Variants in RB1 observed in about 807,000 individuals in gnomAD.
The protein encoded by RB1 is RB transcriptional corepressor 1, also known as retinoblastoma-associated protein.
In RB1, 18 loss-of-function variants were observed where a neutral mutation model predicts 135.4. The observed-to-expected ratio is 0.13, with a 90% CI of 0.09 to 0.20. The LOEUF (loss-of-function observed/expected upper bound fraction) is 0.20, where lower values mean the gene tolerates loss of function less well. Among genes scored for constraint, RB1 ranks in the 10% least tolerant of loss-of-function variants. The pLI is 1.00. For synonymous variants in RB1, 365 were observed against 373.2 expected (o/e 0.98, Z 0.25); for missense variants, 868 against 1,110.0 (o/e 0.78, Z 3.10).
chr13:48,376,587 C>A (rs1249835903), intron 12 of RB1, among the ~76,000 whole-genome samples: 2 of 151,798 alleles, frequency 1.3e-5, no homozygotes, highest in African/African-American at 4.8e-5. Flanking sequence ...CAACATACAT[C>A]CCAATATAAC....
chr13:48,465,206 C>G lies in RB1; in HGVS notation c.2327C>G (p.Pro776Arg), dbSNP rs912203557. The change falls in exon 23 of 27, where the codon CCC (proline) becomes CGC (arginine). Residue 776 changes from proline (P) to arginine (R), a missense_variant and splice_region_variant. Around this residue, in one of 3 missense-constraint regions of RB1, gnomAD observed 196 missense variants for 239.8 expected, o/e 0.82. Transcript: ENST00000267163. The stretch of plus-strand genomic sequence containing the variant: ...TCTACTTTTTTGTTTTTGCTCTAGC[C>G]CCCTACCTTGTCACCAATACCTCAC... Reference protein sequence around the residue: ...TNILQYASTRPPTLSPIPHIP... With the variant: ...TNILQYASTRRPTLSPIPHIP... 11 of 1,613,688 alleles carry G rather than the reference C, an allele frequency of 6.8e-6. No homozygotes were observed. The highest frequency in any genetic ancestry group is 9.3e-6 in the Non-Finnish European group (11 of 1,179,838).
intron 2 of RB1, among the ~76,000 whole-genome samples, chr13:48,327,801 A>G (rs1048323315): frequency 6.6e-6 from 1 of 152,178 alleles, no homozygotes. Flanking sequence ...AAAATAGGCA[A>G]TTCTTAAAAA....
At chr13:48,363,307 T>C (rs1429431955) in intron 8 of RB1, among the ~76,000 whole-genome samples, 1 of 152,068 alleles carries the variant, frequency 6.6e-6, no homozygotes, top group African/African-American at 2.4e-5. Context: ...TCCCAGCTCT[T>C]TGGGAGGCCG....
At chr13:48,318,678 C>T in intron 2 of RB1, 3 of 617,046 alleles carry the variant, frequency 4.9e-6, no homozygotes, top group East Asian at 3.0e-5. Flanking sequence ...CGTGGACGGC[C>T]TCATGGCATG....
At chr13:48,441,300 G>C (rs1949234387) in intron 17 of RB1, among the ~76,000 whole-genome samples, 1 of 152,144 alleles carries the variant, frequency 6.6e-6, no homozygotes, top group South Asian at 2.1e-4. Flanking sequence ...GGGATGTGTT[G>C]AAACTAAATT....
intron 17 of RB1, chr13:48,412,152 A>G: frequency 7.4e-6 from 12 of 1,613,988 alleles, no homozygotes; most frequent in Non-Finnish European, 1.0e-5. Flanking sequence ...CATCACAGAA[A>G]TCTTACAAAG....
At chr13:48,473,267 T>C in intron 23 of RB1, 93 bp from the exon 24 acceptor site, 1 of 991,434 alleles carries the variant, frequency 1.0e-6, no homozygotes, top group Non-Finnish European at 1.6e-6. Context: ...AATTTGGTAT[T>C]CCTAATAGTT....
intron 17 of RB1, among the ~76,000 whole-genome samples, chr13:48,421,279 T>C (rs1949001168): frequency 6.6e-6 from 1 of 151,252 alleles, no homozygotes; most frequent in South Asian, 2.1e-4. Flanking sequence ...AAGGATTCCG[T>C]TTAATAAATG....
chr13:48,402,379 C>CTT (rs545934425), intron 17 of RB1, among the ~76,000 whole-genome samples: 4 of 125,716 alleles, frequency 3.2e-5, no homozygotes, highest in Admixed American at 8.6e-5. Flanking sequence ...TGTAGAAAAC[C>CTT]TTTTTTTTTT....
At chr13:48,353,328 TA>T (rs1162175270) in intron 6 of RB1, among the ~76,000 whole-genome samples, 1 of 151,968 alleles carries the variant, frequency 6.6e-6, no homozygotes, top group Non-Finnish European at 1.5e-5. Context: ...TATATGCCAA[TA>T]AACTGGAAAA....
chr13:48,459,112 C>T (rs553180753), intron 19 of RB1, among the ~76,000 whole-genome samples: 29 of 152,274 alleles, frequency 1.9e-4, no homozygotes, highest in Non-Finnish European at 3.7e-4. Context: ...TATGACCTTT[C>T]CTCCACTACT....
intron 17 of RB1, among the ~76,000 whole-genome samples, chr13:48,434,633 T>C (rs1949164124): frequency 2.0e-5 from 3 of 152,068 alleles, no homozygotes. Context: ...TTCAGGGGTT[T>C]CCACTATACA....
intron 26 of RB1, among the ~76,000 whole-genome samples, chr13:48,479,332 A>G (rs1283504218): frequency 6.6e-6 from 1 of 152,240 alleles, no homozygotes; most frequent in African/African-American, 2.4e-5. Flanking sequence ...TTTGTAAAGA[A>G]TACCACCACT....
At chr13:48,313,660 T>G (rs969710931) in intron 2 of RB1, among the ~76,000 whole-genome samples, 4 of 151,482 alleles carry the variant, frequency 2.6e-5, no homozygotes, top group African/African-American at 4.8e-5. Context: ...ATTGTTTTGG[T>G]GCCCTTGATG....
At position 48,333,365 on chromosome 13, in the gene RB1, A is replaced by G. The variant is rs540533327; in HGVS notation, c.265-9234A>G. 10 of 296,934 alleles carry G rather than the reference A, an allele frequency of 3.4e-5. No homozygotes were observed. In the East Asian group the frequency reaches 3.8e-4, roughly 11 times the overall value. 18.4% of individuals were successfully genotyped at this position (296,934 alleles called of 1,614,324 possible). ...TCAACCTTGTTTCCAAGAGTAGTAG[A>G]TATCAGTTTTGTAGCTATTTTTCAG... On this transcript the variant is annotated intron_variant, in intron 2 of 26. Transcript: ENST00000267163.
intron 17 of RB1, among the ~76,000 whole-genome samples, chr13:48,423,413 A>G (rs1264488613): frequency 6.6e-6 from 1 of 151,900 alleles, no homozygotes; most frequent in East Asian, 1.9e-4. Context: ...GTCACCTTAC[A>G]CTCTTTATGT....
chr13:48,303,880 A>G lies in RB1; in HGVS notation c.-33A>G, dbSNP rs1421275442. ...GCGTCGTCCTCCCCGGCGCTCCTCC[A>G]CAGCTCGCTGGCTCCCGCCGCGGAA... On this transcript the variant is annotated 5_prime_UTR_variant, in exon 1 of 27. Transcript: ENST00000267163. 6.6e-7 allele frequency: 1 copy of G among 1,512,934 alleles called. No homozygotes were observed. The highest frequency in any genetic ancestry group is 2.0e-5 in the Admixed American group (1 of 49,178). The allele number at this position is 1,512,934 out of a possible 1,614,324, so 93.7% of individuals were successfully genotyped here.
intron 2 of RB1, among the ~76,000 whole-genome samples, chr13:48,340,589 G>GAA (rs143659593): frequency 0.56 from 84,013 of 148,930 alleles, 27,729 homozygotes; most frequent in Non-Finnish European, 0.72. Context: ...GAGAGAGAGA[G>GAA]AAAAAAAAAG....
intron 24 of RB1, among the ~76,000 whole-genome samples, chr13:48,473,919 G>C (rs1949488272): frequency 6.6e-6 from 1 of 152,034 alleles, no homozygotes; most frequent in Non-Finnish European, 1.5e-5. Context: ...GAAGTTGGGG[G>C]GTTCCGATAG....
Sources: gnomAD v4.1 joint callset for allele counts (sites outside exome capture counted in the v4.1 genomes callset) on GRCh38, gnomAD v4.1.1 for gene constraint, gnomAD v4.1.1 regional missense constraint, MANE v1.5 for transcripts, NCBI Gene and HGNC (gene_info 2026-07-23, HGNC 2026-07-21) for gene names.